Variants in PRIM2 observed in about 807,000 individuals in gnomAD.
PRIM2 encodes the protein DNA primase large subunit.
In PRIM2, 39 loss-of-function variants were observed where a neutral mutation model predicts 67.3. That is an observed-to-expected ratio of 0.58 (90% CI 0.45 to 0.76). The LOEUF is 0.76. Among genes scored for constraint, PRIM2 ranks in the 30% least tolerant of loss-of-function variants. PRIM2 has a pLI of 0.00. For missense variants in PRIM2, 398 were observed against 598.7 expected, an observed-to-expected ratio of 0.66 and a Z score of 3.50; for synonymous variants, 143 against 198.7, an observed-to-expected ratio of 0.72 and a Z score of 2.36.
At position 57,428,971 on chromosome 6, in the gene PRIM2, A is replaced by G. The variant is rs1254098661; in HGVS notation, c.693+46803A>G. 2.6e-5 allele frequency among the ~76,000 whole-genome samples: 4 copies of G among 152,330 alleles called. No individual in the cohort carries two copies. In the East Asian group the frequency reaches 7.7e-4, roughly 29 times the overall value. On this transcript the variant is annotated intron_variant, in intron 7 of 13. Transcript: ENST00000615550. ...TTGTAATCACCACCGCAATCAGGGT[A>G]TAGAACTTTCTCATCATCCAAGAGA...
chr6:57,289,075 G>A, the PRIM2 span, among the ~76,000 whole-genome samples: 3 of 152,158 alleles, frequency 2.0e-5, no homozygotes, highest in African/African-American at 7.2e-5. Flanking sequence ...TAGATGAGTG[G>A]CTAACTAGAA....
rs1414041455 is a variant in PRIM2, at chr6:57,479,862, G to A, written c.694-27525G>A. On this transcript the variant is annotated intron_variant, in intron 7 of 13. Coordinates refer to ENST00000615550, the MANE Select transcript of PRIM2 (RefSeq NM_000947.5). The stretch of plus-strand genomic sequence containing the variant: ...TCACCAGCCGCGTGGTAGGCAAGAT[G>A]AAGTCTGAAGGGAAGCTAAAGCAAC... Among the ~76,000 whole-genome samples, 7 of 152,324 alleles carry A rather than the reference G, an allele frequency of 4.6e-5. No homozygotes were observed. In the East Asian group the frequency reaches 9.6e-4, roughly 21 times the overall value.
chr6:57,574,014 C>G (rs1775915525), intron 10 of PRIM2, among the ~76,000 whole-genome samples: 1 of 151,674 alleles, frequency 6.6e-6, no homozygotes, highest in Non-Finnish European at 1.5e-5. Flanking sequence ...AGGCAGGGAA[C>G]CTAAGGCCAA....
intron 10 of PRIM2, among the ~76,000 whole-genome samples, chr6:57,600,389 C>T (rs1776442602): frequency 2.0e-5 from 3 of 151,776 alleles, no homozygotes; most frequent in African/African-American, 7.2e-5. Flanking sequence ...GACTGGGTCT[C>T]ACTATGTTGC....
chr6:57,244,239 G>A, the PRIM2 span, among the ~76,000 whole-genome samples: 2 of 152,290 alleles, frequency 1.3e-5, no homozygotes, highest in East Asian at 3.9e-4. Flanking sequence ...CGGAAGCTGG[G>A]CAGGAACTTG....
chr6:57,585,019 A>C (rs1315586514), intron 10 of PRIM2, among the ~76,000 whole-genome samples: 73 of 152,314 alleles, frequency 4.8e-4, no homozygotes, highest in African/African-American at 1.8e-3. Context: ...GGAATATTTA[A>C]TACACCATAG....
chr6:57,313,300 AT>A (rs539997454), upstream of PRIM2, among the ~76,000 whole-genome samples: 156 of 152,282 alleles, frequency 1.0e-3, no homozygotes, highest in Admixed American at 2.2e-3. Flanking sequence ...GTTATCTAAC[AT>A]AATTATTTAT....
chr6:57,512,543 G>A (rs1375495263), intron 8 of PRIM2, among the ~76,000 whole-genome samples: 6 of 152,190 alleles, frequency 3.9e-5, no homozygotes, highest in African/African-American at 1.4e-4. Context: ...TATTTTACAG[G>A]TTGGTGATGG....
At chr6:57,449,294 T>C (rs1772459506) in intron 7 of PRIM2, among the ~76,000 whole-genome samples, 3 of 152,156 alleles carry the variant, frequency 2.0e-5, no homozygotes, top group Admixed American at 1.3e-4. Context: ...TCTCATTAAA[T>C]TGGCAAACAT....
the PRIM2 span, among the ~76,000 whole-genome samples, chr6:57,232,113 G>T: frequency 6.6e-6 from 1 of 152,108 alleles, no homozygotes; most frequent in South Asian, 2.1e-4. Context: ...ATTATTTAAG[G>T]AAGATAGAAT....
chr6:57,540,260 C>T, intron 10 of PRIM2, among the ~76,000 whole-genome samples: 1 of 152,148 alleles, frequency 6.6e-6, no homozygotes, highest in African/African-American at 2.4e-5. Context: ...CACACATGCA[C>T]ACAGACATAC....
the PRIM2 span, among the ~76,000 whole-genome samples, chr6:57,298,372 AAAC>A: frequency 0.029 from 4,347 of 152,108 alleles, 200 homozygotes; most frequent in African/African-American, 0.098. Flanking sequence ...AAACAAAACA[AAAC>A]AACAACAAAA....
intron 7 of PRIM2, among the ~76,000 whole-genome samples, chr6:57,444,335 G>A (rs1333780010): frequency 1.3e-5 from 2 of 152,072 alleles, no homozygotes; most frequent in African/African-American, 2.4e-5. Flanking sequence ...TTGGAAGGCC[G>A]AGGCGGGCGG....
the PRIM2 span, among the ~76,000 whole-genome samples, chr6:57,296,722 C>T: frequency 6.6e-6 from 1 of 152,010 alleles, no homozygotes; most frequent in Non-Finnish European, 1.5e-5. Context: ...CTGGAATCAA[C>T]ACTACTGTAC....
chr6:57,500,212 C>A (rs1169284097), intron 7 of PRIM2, among the ~76,000 whole-genome samples: 2 of 152,174 alleles, frequency 1.3e-5, no homozygotes, highest in African/African-American at 4.8e-5. Context: ...TTTGGCTCTT[C>A]ATCTTGGATC....
At chr6:57,382,223 C>T (rs778973488) in intron 7 of PRIM2, 55 bp downstream of exon 7, 2 of 1,555,340 alleles carry the variant, frequency 1.3e-6, no homozygotes, top group Middle Eastern at 1.7e-4. Context: ...CAGTTATATA[C>T]CCCTGGTAGT....
At chr6:57,340,591 T>C (rs1401540037) in intron 5 of PRIM2, among the ~76,000 whole-genome samples, 1 of 152,004 alleles carries the variant, frequency 6.6e-6, no homozygotes, top group African/African-American at 2.4e-5. Context: ...TCATTCTCAG[T>C]AAACTATCAC....
intron 7 of PRIM2, among the ~76,000 whole-genome samples, chr6:57,417,875 A>G (rs1771321232): frequency 1.3e-5 from 2 of 152,184 alleles, no homozygotes; most frequent in Non-Finnish European, 2.9e-5. Context: ...AAGTGCAGTA[A>G]AGTGAAGTAT....
At chr6:57,598,462 A>G (rs1311421840) in intron 10 of PRIM2, among the ~76,000 whole-genome samples, 2 of 152,202 alleles carry the variant, frequency 1.3e-5, no homozygotes, top group Non-Finnish European at 2.9e-5. Context: ...ATTTTTGTCC[A>G]AGATTCCACC....
Sources: allele counts gnomAD v4.1 joint callset (sites outside exome capture counted in the v4.1 genomes callset), GRCh38; gene constraint gnomAD v4.1.1; transcripts MANE v1.5; gene names NCBI Gene and HGNC (gene_info 2026-07-23, HGNC 2026-07-21).